Variants in CLIC5 observed in about 807,000 individuals in gnomAD.
The protein encoded by CLIC5 is CLIC family member 5.
CLIC5 carries 20 observed loss-of-function variants against 24.7 expected under a neutral mutation model. The observed-to-expected ratio is 0.81, with a 90% CI of 0.57 to 1.18. The LOEUF is 1.18. Among genes scored for constraint, CLIC5 ranks in the 50% most tolerant of loss-of-function variants. The pLI, the probability that CLIC5 is intolerant of heterozygous loss-of-function variation, is 0.00. For missense variants in CLIC5, 341 were observed against 326.1 expected (o/e 1.05, Z -0.35); for synonymous variants, 159 against 135.6 (o/e 1.17, Z -1.20).
chr6:45,986,104 C>T (rs949599763), intron 1 of CLIC5, among the ~76,000 whole-genome samples: 2 of 152,192 alleles, frequency 1.3e-5, no homozygotes, highest in Non-Finnish European at 1.5e-5. Flanking sequence ...GCCTCCCCAG[C>T]CATGTGGAAC....
intron 4 of CLIC5, among the ~76,000 whole-genome samples, chr6:45,922,080 C>T (rs944114989): frequency 1.3e-5 from 2 of 152,180 alleles, no homozygotes; most frequent in African/African-American, 4.8e-5. Context: ...CCCACTGTTC[C>T]CTCGTGTGGC....
intron 4 of CLIC5, among the ~76,000 whole-genome samples, chr6:45,920,854 G>C (rs1439952729): frequency 6.6e-6 from 1 of 152,130 alleles, no homozygotes; most frequent in Non-Finnish European, 1.5e-5. Flanking sequence ...GCTATAACGA[G>C]CTCAATTTTG....
chr6:46,010,100 C>T (rs186702577), intron 1 of CLIC5, among the ~76,000 whole-genome samples: 53 of 152,310 alleles, frequency 3.5e-4, no homozygotes, highest in Admixed American at 7.2e-4. Flanking sequence ...GAACATTTCT[C>T]TTCCAGTTCC....
chr6:45,886,318 A>G (rs557792448), intron 6 of CLIC5, among the ~76,000 whole-genome samples: 29 of 152,334 alleles, frequency 1.9e-4, no homozygotes, highest in African/African-American at 7.0e-4. Flanking sequence ...GCACAGAGGA[A>G]GAAGCCTGCC....
At chr6:45,988,123 T>C (rs1765805209) in intron 1 of CLIC5, among the ~76,000 whole-genome samples, 2 of 152,220 alleles carry the variant, frequency 1.3e-5, no homozygotes, top group African/African-American at 4.8e-5. Flanking sequence ...CCTTCGCAGC[T>C]GTGAACCTGT....
rs549298230 is a variant in CLIC5 at position 45,944,125 on chromosome 6, T to C, written c.300-2472A>G. ...GATAATCAAAGAGATGATAATTTTT[T>C]CTAACTCAGGAGTCAGCAAACTGTG... is the stretch of plus-strand genomic sequence containing the variant. On this transcript the variant is annotated intron_variant, in intron 3 of 5. Coordinates refer to ENST00000339561, the MANE Select transcript of CLIC5 (RefSeq NM_016929.5). 2.0e-5 allele frequency among the ~76,000 whole-genome samples: 3 copies of C among 152,274 alleles called. No individual in the cohort carries two copies. In the East Asian group the frequency reaches 5.8e-4, roughly 29 times the overall value.
chr6:45,999,622 TC>T (rs1445100904), intron 1 of CLIC5, among the ~76,000 whole-genome samples: 1 of 151,928 alleles, frequency 6.6e-6, no homozygotes, highest in Non-Finnish European at 1.5e-5. Context: ...CCCCTCCTCT[TC>T]CTCCTCCTCT....
At chr6:45,918,600 T>G (rs1378784194) in intron 4 of CLIC5, among the ~76,000 whole-genome samples, 4 of 152,168 alleles carry the variant, frequency 2.6e-5, no homozygotes, top group Non-Finnish European at 1.5e-5. Context: ...TCATATATGG[T>G]TTTTCTCTTG....
At chr6:46,044,956 C>T (rs1442092950) in intron 1 of CLIC5, among the ~76,000 whole-genome samples, 2 of 152,172 alleles carry the variant, frequency 1.3e-5, no homozygotes, top group Non-Finnish European at 2.9e-5. Context: ...GGCCTTCATT[C>T]TTGAGCACTC....
At chr6:45,967,728 G>A (rs1765062370) in intron 1 of CLIC5, among the ~76,000 whole-genome samples, 1 of 152,132 alleles carries the variant, frequency 6.6e-6, no homozygotes, top group Non-Finnish European at 1.5e-5. Context: ...GCCTCAGGAA[G>A]CTTATGATCA....
the CLIC5 span, among the ~76,000 whole-genome samples, chr6:46,088,491 C>T: frequency 2.0e-5 from 3 of 151,984 alleles, no homozygotes; most frequent in African/African-American, 7.3e-5. Context: ...AGATTTCTTT[C>T]TGATTATGAA....
In CLIC5 at chr6:45,976,521, A is replaced by G. The variant is rs1289370334; in HGVS notation, c.64-21277T>C. Among the ~76,000 whole-genome samples the G allele has an allele frequency of 2.0e-5, 3 of 152,228 alleles. No homozygotes were observed. In the East Asian group the frequency reaches 5.8e-4, roughly 29 times the overall value. ...AAAGAATTTGAAGGCATGGTTAGAC[A>G]TAGAAGCTTACATTTAATAAAGGTT... On this transcript the variant is annotated intron_variant, in intron 1 of 5. Transcript: ENST00000339561.
At chr6:45,912,672 G>A in intron 5 of CLIC5, 1 of 1,534,176 alleles carries the variant, frequency 6.5e-7, no homozygotes, top group South Asian at 1.2e-5. Context: ...CCTGATCTTT[G>A]CATTGTATCA....
chr6:45,888,001 A>T (rs1476787602), intron 6 of CLIC5, among the ~76,000 whole-genome samples: 1 of 152,258 alleles, frequency 6.6e-6, no homozygotes, highest in Non-Finnish European at 1.5e-5. Flanking sequence ...GTTAAAAGAA[A>T]AATGAACAAA....
At chr6:45,943,203 A>C (rs541064852) in intron 3 of CLIC5, among the ~76,000 whole-genome samples, 1 of 152,360 alleles carries the variant, frequency 6.6e-6, no homozygotes, top group South Asian at 2.1e-4. Flanking sequence ...CCAGGATCCC[A>C]ACCCAGGCAG....
intron 4 of CLIC5, among the ~76,000 whole-genome samples, chr6:45,938,317 C>A (rs1217239916): frequency 6.6e-6 from 1 of 152,158 alleles, no homozygotes. Context: ...GGAGGGCAAG[C>A]CTTACAGGAG....
intron 1 of CLIC5, among the ~76,000 whole-genome samples, chr6:45,956,769 A>C (rs909742174): frequency 6.6e-6 from 1 of 152,108 alleles, no homozygotes; most frequent in African/African-American, 2.4e-5. Flanking sequence ...CCCACTCCCT[A>C]TTCAGTTCTC....
At chr6:45,987,130 A>G (rs1765771208) in intron 1 of CLIC5, among the ~76,000 whole-genome samples, 1 of 152,136 alleles carries the variant, frequency 6.6e-6, no homozygotes, top group African/African-American at 2.4e-5. Context: ...CAAGCATTTG[A>G]CCCCATTAAC....
At chr6:45,955,312 C>T in intron 1 of CLIC5, 68 bp from the exon 2 acceptor site, 1 of 1,118,652 alleles carries the variant, frequency 8.9e-7, no homozygotes, top group African/African-American at 1.5e-5. Flanking sequence ...AAGATTGTAA[C>T]ACCCAAATGC....
Sources: allele counts gnomAD v4.1 joint callset (sites outside exome capture counted in the v4.1 genomes callset), GRCh38; gene constraint gnomAD v4.1.1; transcripts MANE v1.5; gene names NCBI Gene and HGNC (gene_info 2026-07-23, HGNC 2026-07-21).